The following TEX14 variants were observed in gnomAD, a reference collection of about 807,000 sequenced individuals.
The protein encoded by TEX14 is testis expressed 14, intercellular bridge forming factor.
In TEX14, 168 loss-of-function variants were observed where a neutral mutation model predicts 178.6. The observed-to-expected ratio is 0.94, with a 90% CI of 0.83 to 1.07. The LOEUF is 1.07. Ranked by LOEUF, TEX14 falls within the 50% of genes least tolerant of loss-of-function variation. The pLI, the probability that TEX14 is intolerant of heterozygous loss-of-function variation, is 0.00. For missense variants in TEX14, 1,730 were observed against 1,753.6 expected (o/e 0.99, Z 0.24); for synonymous variants, 626 against 634.1 (o/e 0.99, Z 0.19).
At chr17:58,580,406 G>A (rs1036404352) in intron 19 of TEX14, among the ~76,000 whole-genome samples, 1 of 152,036 alleles carries the variant, frequency 6.6e-6, no homozygotes, top group African/African-American at 2.4e-5. Flanking sequence ...CTGTCCCCCG[G>A]GTTCAAGCAA....
chr17:58,631,362 A>G (rs1325009045), intron 2 of TEX14, among the ~76,000 whole-genome samples: 1 of 152,092 alleles, frequency 6.6e-6, no homozygotes, highest in East Asian at 1.9e-4. Flanking sequence ...GAGAAACTGA[A>G]GCATGAGGAC....
intron 2 of TEX14, among the ~76,000 whole-genome samples, chr17:58,649,286 G>T (rs1417300161): frequency 6.6e-6 from 1 of 151,520 alleles, no homozygotes; most frequent in South Asian, 2.1e-4. Context: ...CACCATGTTG[G>T]CCAGGCTGGT....
intron 9 of TEX14, among the ~76,000 whole-genome samples, chr17:58,611,741 G>C (rs1234213473): frequency 2.6e-5 from 4 of 152,334 alleles, no homozygotes; most frequent in Admixed American, 2.6e-4. Flanking sequence ...GGACCCTGCA[G>C]AATGCAGATA....
intron 18 of TEX14, 36 bp downstream of exon 18, chr17:58,585,765 G>C (rs200415749): frequency 6.2e-7 from 1 of 1,606,210 alleles, no homozygotes; most frequent in Middle Eastern, 1.7e-4. Context: ...ATACTTGATT[G>C]AGTTCACCTA....
chr17:58,570,592 A>G, intron 24 of TEX14, 108 bp from the exon 25 acceptor site: 2 of 537,820 alleles, frequency 3.7e-6, no homozygotes, highest in Non-Finnish European at 6.3e-6. Flanking sequence ...ACTCACTCAC[A>G]TGTCACCTCC....
intron 1 of TEX14, among the ~76,000 whole-genome samples, chr17:58,662,121 G>T (rs565197821): frequency 1.6e-4 from 25 of 151,584 alleles, no homozygotes; most frequent in African/African-American, 5.8e-4. Flanking sequence ...GATTACAGGC[G>T]TGAGCCACCA....
Position 58,656,147 on chromosome 17 carries a change from G to A in TEX14, c.-1-4145C>T, listed in dbSNP as rs538363157. On this transcript the variant is annotated intron_variant, in intron 1 of 31. Transcript: ENST00000349033. ...GAAATGCTGTCTCTACAAAAAGTAC[G>A]AAAATTAGCTGGGCAGCCGGGCACA... Among the ~76,000 whole-genome samples, 115 of 152,072 alleles carry A rather than the reference G, an allele frequency of 7.6e-4. 1 individual carries two copies. In the South Asian group the frequency reaches 1.0e-2, roughly 13 times the overall value.
At chr17:58,651,794 C>A in intron 2 of TEX14, 72 bp downstream of exon 2, 2 of 1,405,702 alleles carry the variant, frequency 1.4e-6, no homozygotes, top group Non-Finnish European at 9.6e-7. Flanking sequence ...ACCTTTATGA[C>A]ATTCCTTTTC....
intron 1 of TEX14, among the ~76,000 whole-genome samples, chr17:58,691,598 C>T (rs549081818): frequency 1.5e-4 from 21 of 139,190 alleles, no homozygotes; most frequent in Admixed American, 1.3e-3. Context: ...ACCCGGGAGG[C>T]GAAGGTTGCA....
chr17:58,639,309 G>A (rs984330513), intron 2 of TEX14, among the ~76,000 whole-genome samples: 4 of 150,400 alleles, frequency 2.7e-5, no homozygotes, highest in African/African-American at 9.9e-5. Context: ...GGAAGGGTGG[G>A]AGGTGGGCAA....
chr17:58,652,827 T>C (rs547608543), intron 1 of TEX14, among the ~76,000 whole-genome samples: 43 of 152,330 alleles, frequency 2.8e-4, no homozygotes, highest in African/African-American at 1.0e-3. Flanking sequence ...TCTGAAACTG[T>C]CTTGGCTCTG....
rs1304609566 is a variant in TEX14, at chr17:58,587,706, T to A, written c.2703-40A>T. 3 of 1,442,594 alleles carry A rather than the reference T, an allele frequency of 2.1e-6. No homozygotes were observed. In the Admixed American group the frequency reaches 5.5e-5, roughly 27 times the overall value. 89.4% of individuals were successfully genotyped at this position (1,442,594 alleles called of 1,614,324 possible). ...TTTTTTGGAGGTAGGGGGAGCGGGG[T>A]GGACACAAACACATCAGTTTGCTCA... is the stretch of plus-strand genomic sequence containing the variant. On this transcript the variant is annotated intron_variant, in intron 16 of 31. Coordinates refer to ENST00000349033, the MANE Select transcript of TEX14 (RefSeq NM_031272.5).
At chr17:58,576,632 T>C (rs1567715325) in intron 21 of TEX14, among the ~76,000 whole-genome samples, 1 of 152,238 alleles carries the variant, frequency 6.6e-6, no homozygotes, top group Non-Finnish European at 1.5e-5. Context: ...ACATTTCTAC[T>C]ACCACAAAGA....
intron 1 of TEX14, among the ~76,000 whole-genome samples, chr17:58,654,598 C>CT (rs932547418): frequency 7.9e-5 from 12 of 151,154 alleles, no homozygotes; most frequent in Non-Finnish European, 1.5e-4. Context: ...TCTCCACCTC[C>CT]TGGGTTCAAA....
intron 2 of TEX14, among the ~76,000 whole-genome samples, chr17:58,633,758 G>A (rs571408512): frequency 9.9e-5 from 15 of 152,070 alleles, no homozygotes; most frequent in African/African-American, 3.6e-4. Context: ...CACAAGGTCA[G>A]GAGCTCGAGA....
chr17:58,652,232 A>AAT (rs1183518191), intron 1 of TEX14, among the ~76,000 whole-genome samples: 3 of 152,146 alleles, frequency 2.0e-5, no homozygotes, highest in Non-Finnish European at 2.9e-5. Context: ...ACAAGTAAAA[A>AAT]ATATATATAT....
chr17:58,608,244 C>CA (rs2045658321), intron 10 of TEX14, among the ~76,000 whole-genome samples: 1 of 152,104 alleles, frequency 6.6e-6, no homozygotes. Context: ...GGTGAAACCC[C>CA]ATCTCTACTA....
intron 1 of TEX14, among the ~76,000 whole-genome samples, chr17:58,658,831 G>A (rs770721747): frequency 1.1e-4 from 16 of 151,818 alleles, no homozygotes; most frequent in Non-Finnish European, 1.9e-4. Flanking sequence ...CATTGAGATA[G>A]GGTCTCTATC....
intron 1 of TEX14, among the ~76,000 whole-genome samples, chr17:58,667,098 C>A (rs1460878582): frequency 2.0e-5 from 3 of 152,198 alleles, no homozygotes; most frequent in Non-Finnish European, 4.4e-5. Flanking sequence ...TTCGGATCTC[C>A]CTGTATGGAG....
Sources: gnomAD v4.1 joint callset for allele counts (sites outside exome capture counted in the v4.1 genomes callset) on GRCh38, gnomAD v4.1.1 for gene constraint, MANE v1.5 for transcripts, NCBI Gene and HGNC (gene_info 2026-07-23, HGNC 2026-07-21) for gene names.